The following SLC4A4 variants were observed in gnomAD, a reference collection of about 807,000 sequenced individuals.
SLC4A4 encodes the protein electrogenic sodium bicarbonate cotransporter 1.
In SLC4A4, 27 loss-of-function variants were observed where a neutral mutation model predicts 111.5. The ratio of observed to expected loss-of-function variants is 0.24; its 90% confidence interval spans 0.18 to 0.33. The LOEUF (loss-of-function observed/expected upper bound fraction) is 0.33. Ranked by LOEUF, SLC4A4 falls within the 10% of genes least tolerant of loss-of-function variation. SLC4A4 has a pLI of 1.00. For synonymous variants in SLC4A4, 443 were observed against 463.4 expected (o/e 0.96, Z 0.57); for missense variants, 909 against 1,315.5 (o/e 0.69, Z 4.78).
chr4:71,147,985 C>G (rs1177022335), intron 2 of SLC4A4, among the ~76,000 whole-genome samples: 1 of 152,150 alleles, frequency 6.6e-6, no homozygotes, highest in Non-Finnish European at 1.5e-5. Flanking sequence ...TGTTTTCTTC[C>G]ATGTCCTTCC....
chr4:71,099,687 G>A (rs1742660315), intron 2 of SLC4A4, among the ~76,000 whole-genome samples: 1 of 151,948 alleles, frequency 6.6e-6, no homozygotes. Context: ...AGATTGATAG[G>A]CTATTAGCTA....
intron 2 of SLC4A4, among the ~76,000 whole-genome samples, chr4:71,167,129 G>A (rs1744797555): frequency 6.6e-6 from 1 of 152,100 alleles, no homozygotes; most frequent in Non-Finnish European, 1.5e-5. Context: ...TGATTTGATG[G>A]CAGGGAGTCG....
At chr4:71,338,053 G>A (rs574201911) in intron 3 of SLC4A4, among the ~76,000 whole-genome samples, 5 of 152,026 alleles carry the variant, frequency 3.3e-5, no homozygotes, top group Non-Finnish European at 4.4e-5. Context: ...GGCTGGTCTC[G>A]AACTCCTGAC....
intron 2 of SLC4A4, among the ~76,000 whole-genome samples, chr4:71,244,583 G>T (rs1053485665): frequency 6.6e-6 from 1 of 152,064 alleles, no homozygotes; most frequent in Non-Finnish European, 1.5e-5. Flanking sequence ...TAAATTTAAG[G>T]TATTATCTCC....
chr4:71,139,281 C>T lies in SLC4A4; in HGVS notation c.-2+46489C>T, dbSNP rs182447378. Among the ~76,000 whole-genome samples, 842 of 151,526 alleles carry T rather than the reference C, an allele frequency of 5.6e-3. 11 individuals are homozygous for T. The highest frequency in any genetic ancestry group is 0.019 in the African/African-American group (800 of 41,238). On this transcript the variant is annotated intron_variant, in intron 2 of 26. Coordinates refer to the SLC4A4 transcript ENST00000649996. ...CCATTGACTTTTGGTGTGAATTGGC[C>T]GCCTCCTGTGGATGAGGCTGAAATC...
intron 1 of SLC4A4, among the ~76,000 whole-genome samples, chr4:71,199,776 G>A (rs1407058494): frequency 6.6e-6 from 1 of 152,046 alleles, no homozygotes; most frequent in East Asian, 1.9e-4. Context: ...TCAGCCTCCT[G>A]AGTAGCTGGG....
chr4:71,179,670 A>G (rs1745222212), intron 2 of SLC4A4, among the ~76,000 whole-genome samples: 1 of 152,172 alleles, frequency 6.6e-6, no homozygotes, highest in Non-Finnish European at 1.5e-5. Context: ...CTTCAAGGAG[A>G]ACTACAAACC....
intron 2 of SLC4A4, among the ~76,000 whole-genome samples, chr4:71,168,463 G>A (rs1048575915): frequency 7.2e-5 from 11 of 152,016 alleles, no homozygotes; most frequent in African/African-American, 2.7e-4. Flanking sequence ...GATTACAGGC[G>A]TGAGCCACTG....
chr4:71,091,049 G>C (rs1233844155), intron 1 of SLC4A4, among the ~76,000 whole-genome samples: 1 of 152,180 alleles, frequency 6.6e-6, no homozygotes, highest in Non-Finnish European at 1.5e-5. Flanking sequence ...CTGAGTTCAA[G>C]TGATTCTCCT....
intron 16 of SLC4A4, among the ~76,000 whole-genome samples, chr4:71,518,075 C>T (rs1443045329): frequency 6.6e-6 from 1 of 152,160 alleles, no homozygotes. Flanking sequence ...TAGAGCCTGG[C>T]TCCATGGGTA....
At chr4:71,478,437 G>A (rs555509833) in intron 14 of SLC4A4, among the ~76,000 whole-genome samples, 3 of 151,994 alleles carry the variant, frequency 2.0e-5, no homozygotes, top group Admixed American at 1.3e-4. Context: ...CATAAAAAAT[G>A]ATGAGTTCAT....
chr4:71,111,634 G>T (rs1032542944), intron 2 of SLC4A4, among the ~76,000 whole-genome samples: 1 of 135,932 alleles, frequency 7.4e-6, no homozygotes. Flanking sequence ...CACCCCACCC[G>T]CCTTGGCCTC....
intron 12 of SLC4A4, among the ~76,000 whole-genome samples, chr4:71,462,415 C>CTTTTTTTT (rs869306669): frequency 1.6e-5 from 2 of 121,894 alleles, no homozygotes; most frequent in Non-Finnish European, 3.4e-5. Context: ...ACCTCCTCAT[C>CTTTTTTTT]TTTTTTTTTT....
chr4:71,299,033 A>C (rs1456146415), intron 3 of SLC4A4, among the ~76,000 whole-genome samples: 1 of 152,248 alleles, frequency 6.6e-6, no homozygotes, highest in African/African-American at 2.4e-5. Flanking sequence ...GACATCTAAC[A>C]CATCTAGGTG....
chr4:71,090,157 CA>C (rs1742342068), intron 1 of SLC4A4, among the ~76,000 whole-genome samples: 1 of 152,058 alleles, frequency 6.6e-6, no homozygotes, highest in Non-Finnish European at 1.5e-5. Context: ...GCTGTGCTAG[CA>C]ATGAGCGAGG....
At chr4:71,224,467 A>G (rs1025273089) in intron 1 of SLC4A4, among the ~76,000 whole-genome samples, 5 of 152,192 alleles carry the variant, frequency 3.3e-5, no homozygotes, top group African/African-American at 1.2e-4. Context: ...AGTTATAGCC[A>G]TGTGGTTTTT....
In SLC4A4 at chr4:71,112,822, G is replaced by C. The variant is rs139113841; in HGVS notation, c.-2+20030G>C. Among the ~76,000 whole-genome samples the C allele has an allele frequency of 3.2e-3, 494 of 152,266 alleles. 3 individuals carry two copies. The highest frequency in any genetic ancestry group is 0.011 in the African/African-American group (474 of 41,540). ...TAATGTCTGGGAACCACTGCGTTAG[G>C]TAATTTGAAGGGGCTTTCCTACTTT... On this transcript the variant is annotated intron_variant, in intron 2 of 26. Coordinates refer to the SLC4A4 transcript ENST00000649996.
chr4:71,333,496 G>A (rs1237291526), intron 3 of SLC4A4, among the ~76,000 whole-genome samples: 1 of 152,218 alleles, frequency 6.6e-6, no homozygotes, highest in Non-Finnish European at 1.5e-5. Context: ...AGTCAGCACA[G>A]CATTGGATCT....
chr4:71,201,352 G>A (rs1746241121), intron 1 of SLC4A4, among the ~76,000 whole-genome samples: 1 of 152,128 alleles, frequency 6.6e-6, no homozygotes, highest in Admixed American at 6.5e-5. Context: ...CTCTGGAGAG[G>A]GGTGTGACCT....
Sources: gnomAD v4.1 joint callset for allele counts (sites outside exome capture counted in the v4.1 genomes callset) on GRCh38, gnomAD v4.1.1 for gene constraint, MANE v1.5 for transcripts, NCBI Gene and HGNC (gene_info 2026-07-23, HGNC 2026-07-21) for gene names.